Variants in AP5M1 observed in about 807,000 individuals in gnomAD.
AP5M1 encodes adaptor related protein complex 5 subunit mu 1.
In AP5M1, 44 loss-of-function variants were observed where a neutral mutation model predicts 52.3. The ratio of observed to expected loss-of-function variants is 0.84; its 90% confidence interval spans 0.66 to 1.08. The LOEUF is 1.08. Ranked by LOEUF, AP5M1 falls within the 50% of genes least tolerant of loss-of-function variation. The pLI is 0.00. For synonymous variants in AP5M1, 213 were observed against 199.0 expected, an observed-to-expected ratio of 1.07 and a Z score of -0.59; for missense variants, 526 against 568.4, an observed-to-expected ratio of 0.93 and a Z score of 0.76.
At chr14:57,273,600 A>T in intron 1 of AP5M1, 1 of 595,794 alleles carries the variant, frequency 1.7e-6, no homozygotes, top group Non-Finnish European at 3.0e-6. Flanking sequence ...AGTTCAACTC[A>T]GAATATGCAA....
At position 57,291,862 on chromosome 14, in the gene AP5M1, G is replaced by T. The variant is rs1374916372; in HGVS notation, c.*2978G>T. ...CTACACTACCCCTGGGAGCTAGGTAGGTGGAATTATCATCCAGGCCTTCTG... is the reference window on the plus strand; with the variant it reads ...CTACACTACCCCTGGGAGCTAGGTATGTGGAATTATCATCCAGGCCTTCTG... On this transcript the variant is annotated 3_prime_UTR_variant, in exon 8 of 8. Transcript: ENST00000261558. 2.0e-5 allele frequency: 3 copies of T among 151,704 alleles called. No homozygotes were observed. Among genetic ancestry groups the T allele is most frequent in the African/African-American group, 4.8e-5 (2 of 41,350 alleles). The allele number at this position is 151,704 out of a possible 1,614,324, so 9.4% of individuals were successfully genotyped here.
intron 3 of AP5M1, among the ~76,000 whole-genome samples, chr14:57,281,769 A>G (rs1191050998): frequency 1.3e-5 from 2 of 152,232 alleles, no homozygotes; most frequent in African/African-American, 4.8e-5. Context: ...GAGCAACAGG[A>G]GCTGTGGGCA....
At chr14:57,282,302 T>G in intron 4 of AP5M1, 74 bp downstream of exon 4, 1 of 1,204,096 alleles carries the variant, frequency 8.3e-7, no homozygotes, top group South Asian at 1.9e-5. Context: ...GTAAATTGTC[T>G]TTGTCTTTTA....
chr14:57,296,821 CATATT>C lies in AP5M1; in HGVS notation c.*7942_*7946del, dbSNP rs1229233257. The C allele has an allele frequency of 6.6e-6, 1 of 152,038 alleles. No homozygotes were observed. Among genetic ancestry groups the C allele is most frequent in the African/African-American group, 2.4e-5 (1 of 41,430 alleles). 9.4% of individuals were successfully genotyped at this position (152,038 alleles called of 1,614,324 possible). On this transcript the variant is annotated 3_prime_UTR_variant, in exon 8 of 8. Coordinates refer to ENST00000261558, the MANE Select transcript of AP5M1 (RefSeq NM_018229.4). ...CATAATTAATGTTAAGCTTTGTGCT[CATATT>C]ATATGCCACTCTGGGATTAGACAAA...
Position 57,289,299 on chromosome 14 carries a change from T to C in AP5M1, c.*415T>C, listed in dbSNP as rs900683831. ...GATTCAGGCAGCCACTCCCAGTGGG[T>C]TGTAGATAATGTGCAAGATAAAAAC... On this transcript the variant is annotated 3_prime_UTR_variant, in exon 8 of 8. Transcript: ENST00000261558. The C allele has an allele frequency of 6.5e-6, 1 of 153,418 alleles. No individual in the cohort carries two copies. The highest frequency in any genetic ancestry group is 1.4e-5 in the Non-Finnish European group (1 of 69,090). The allele number at this position is 153,418 out of a possible 1,614,324, so 9.5% of individuals were successfully genotyped here. A position where few individuals can be genotyped will look rare whatever the true frequency, so the allele number is the denominator to read the frequency against.
At position 57,293,749 on chromosome 14, in the gene AP5M1, T is replaced by C. The variant is rs1319050783; in HGVS notation, c.*4865T>C. The C allele has an allele frequency of 6.6e-6, 1 of 151,640 alleles. No homozygotes were observed. Among genetic ancestry groups the C allele is most frequent in the Non-Finnish European group, 1.5e-5 (1 of 67,740 alleles). 9.4% of individuals were successfully genotyped at this position (151,640 alleles called of 1,614,324 possible). On this transcript the variant is annotated 3_prime_UTR_variant, in exon 8 of 8. Transcript: ENST00000261558. ...TACACACAACATATATATACAAGTA[T>C]ATGAATTTACGTAAATGTGTACAAC...
rs1418847990 is a variant in AP5M1, at chr14:57,292,783, C to T, written c.*3899C>T. 1 of 151,722 alleles carries T rather than the reference C, an allele frequency of 6.6e-6. No homozygotes were observed. The highest frequency in any genetic ancestry group is 1.5e-5 in the Non-Finnish European group (1 of 67,790). The allele number at this position is 151,722 out of a possible 1,614,324, so 9.4% of individuals were successfully genotyped here. ...ACCTTTCCCCCTACCACCACCACCA[C>T]CATTAGAAAATGTCATACTGTGTGG... On this transcript the variant is annotated 3_prime_UTR_variant, in exon 8 of 8. Coordinates refer to ENST00000261558, the MANE Select transcript of AP5M1 (RefSeq NM_018229.4).
chr14:57,280,146 G>C (rs1304957503), intron 2 of AP5M1, 49 bp from the exon 3 acceptor site: 3 of 1,387,266 alleles, frequency 2.2e-6, no homozygotes, highest in African/African-American at 2.8e-5. Flanking sequence ...GCCTCAAACA[G>C]ACATTTGCTT....
chr14:57,288,274 T>A (rs901997725), intron 7 of AP5M1, among the ~76,000 whole-genome samples: 99 of 151,986 alleles, frequency 6.5e-4, no homozygotes, highest in African/African-American at 2.2e-3. Flanking sequence ...TTAGTTCAAA[T>A]AGGTTGCCAT....
At chr14:57,285,537 A>G (rs1332149338) in intron 6 of AP5M1, among the ~76,000 whole-genome samples, 1 of 152,140 alleles carries the variant, frequency 6.6e-6, no homozygotes, top group Non-Finnish European at 1.5e-5. Flanking sequence ...GGGTTGCAAA[A>G]GGAAAAAAAA....
At chr14:57,273,675 A>G in intron 1 of AP5M1, 1 of 701,594 alleles carries the variant, frequency 1.4e-6, no homozygotes, top group Middle Eastern at 2.3e-4. Flanking sequence ...GAGATAAACC[A>G]TTATTACTAA....
At chr14:57,282,623 C>G (rs867996006) in intron 4 of AP5M1, among the ~76,000 whole-genome samples, 1 of 152,032 alleles carries the variant, frequency 6.6e-6, no homozygotes, top group South Asian at 2.1e-4. Context: ...AGTTTTTTGT[C>G]AAAATATATC....
intron 6 of AP5M1, 98 bp downstream of exon 6, chr14:57,283,328 A>G: frequency 1.3e-6 from 1 of 762,084 alleles, no homozygotes; most frequent in South Asian, 2.1e-5. Flanking sequence ...CAATTGTTTT[A>G]GAATTCTGTT....
At position 57,269,314 on chromosome 14, in the gene AP5M1, C is replaced by T. The variant is rs766885880; in HGVS notation, c.-1C>T. 1 of 1,614,002 alleles carries T rather than the reference C, an allele frequency of 6.2e-7. No individual in the cohort carries two copies. ...TGAGCTAATGCTTTACTGACTTAAC[C>T]ATGGCGCAGCGGGCAGTGTGGCTCA... On this transcript the variant is annotated 5_prime_UTR_variant, in exon 1 of 8. Coordinates refer to ENST00000261558, the MANE Select transcript of AP5M1 (RefSeq NM_018229.4).
chr14:57,271,214 C>G (rs866633870), intron 1 of AP5M1: 1 of 152,310 alleles, frequency 6.6e-6, no homozygotes, highest in South Asian at 2.1e-4. Flanking sequence ...TAGTGATGAC[C>G]TCTCCCAAAT....
chr14:57,269,650 CT>C (rs1406559530), intron 1 of AP5M1, among the ~76,000 whole-genome samples: 31 of 152,136 alleles, frequency 2.0e-4, no homozygotes, highest in Admixed American at 1.9e-3. Context: ...TGACCTCCGT[CT>C]GCTTAGAATT....
At position 57,286,286 on chromosome 14, in the gene AP5M1, GT is replaced by G. The variant is rs1566519539; in HGVS notation, c.1362del (p.Phe454LeufsTer8). The G allele has an allele frequency of 1.9e-6, 3 of 1,612,878 alleles. No individual in the cohort carries two copies. In the Admixed American group the frequency reaches 5.0e-5, roughly 27 times the overall value. The part of the protein sequence containing the change: ...GCYADQHSVQ[V>X]FASGKPKISA... ...TTATGCAGATCAGCATTCAGTTCAA[GT>G]TTTTGCATCAGGAAAACCAAAAATA... On this transcript the variant is annotated frameshift_variant, in exon 7 of 8. Transcript: ENST00000261558. LOFTEE classifies it high-confidence loss of function.
In AP5M1 at chr14:57,268,987, T is replaced by A. The variant is rs778311795; in HGVS notation, c.-328T>A. 1 of 562,836 alleles carries A rather than the reference T, an allele frequency of 1.8e-6. No individual in the cohort carries two copies. The highest frequency in any genetic ancestry group is 2.3e-5 in the South Asian group (1 of 43,580). The allele number at this position is 562,836 out of a possible 1,614,324, so 34.9% of individuals were successfully genotyped here. A position where few individuals can be genotyped will look rare whatever the true frequency, so the allele number is the denominator to read the frequency against. On this transcript the variant is annotated 5_prime_UTR_variant, in exon 1 of 8. Coordinates refer to ENST00000261558, the MANE Select transcript of AP5M1 (RefSeq NM_018229.4). ...ACCGAAAAAAGGCTCGACGCTACCG[T>A]GTATGAGGAACTTTGATCCTTGCGG...
Position 57,297,316 on chromosome 14 carries a change from A to C in AP5M1, c.*8432A>C, listed in dbSNP as rs1885574051. On this transcript the variant is annotated 3_prime_UTR_variant, in exon 8 of 8. Transcript: ENST00000261558. ...CTCCTGCCTCCTTCACTGATTTTGA[A>C]TGTGTGCTCAATTTGCTAGTATGAG... 6.6e-6 allele frequency: 1 copy of C among 152,014 alleles called. No individual in the cohort carries two copies. The highest frequency in any genetic ancestry group is 2.1e-4 in the South Asian group (1 of 4,820). 9.4% of individuals were successfully genotyped at this position (152,014 alleles called of 1,614,324 possible). A position where few individuals can be genotyped will look rare whatever the true frequency, so the allele number is the denominator to read the frequency against.
Sources: gnomAD v4.1 joint callset for allele counts (sites outside exome capture counted in the v4.1 genomes callset) on GRCh38, gnomAD v4.1.1 for gene constraint, MANE v1.5 for transcripts, NCBI Gene and HGNC (gene_info 2026-07-23, HGNC 2026-07-21) for gene names.